EGF: variants seen among roughly 807,000 people sequenced by gnomAD.
EGF encodes pro-epidermal growth factor.
Under a neutral mutation model 143.8 loss-of-function variants are expected in EGF, and 95 were observed. That is an observed-to-expected ratio of 0.66 (90% CI 0.56 to 0.78). The LOEUF (loss-of-function observed/expected upper bound fraction) is 0.78. EGF is among the 30% of genes least tolerant of loss of function. The pLI, the probability that EGF is intolerant of heterozygous loss-of-function variation, is 0.00. For synonymous variants in EGF, 510 were observed against 510.5 expected (o/e 1.00, Z 0.01); for missense variants, 1,320 against 1,470.9 (o/e 0.90, Z 1.68).
In EGF at chr4:109,968,102, C is replaced by T. The variant is rs1168472414; in HGVS notation, c.1576-869C>T. On this transcript the variant is annotated intron_variant, in intron 10 of 23. Coordinates refer to ENST00000265171, the MANE Select transcript of EGF (RefSeq NM_001963.6). ...TATAAGAAAAGTAATTTCACTATGA[C>T]ATTTTGAATGCTACAATGTCACTAG... Among the ~76,000 whole-genome samples, 5 of 152,248 alleles carry T rather than the reference C, an allele frequency of 3.3e-5. No homozygotes were observed. The East Asian group carries it at 9.7e-4, about 29-fold the overall frequency.
intron 15 of EGF, among the ~76,000 whole-genome samples, chr4:109,982,209 A>G (rs1749476221): frequency 6.6e-6 from 1 of 151,882 alleles, no homozygotes; most frequent in Admixed American, 6.6e-5. Context: ...AGGTCATGCT[A>G]TGTTGCCTAG....
intron 19 of EGF, among the ~76,000 whole-genome samples, chr4:109,994,258 G>A (rs574955528): frequency 6.6e-6 from 1 of 152,098 alleles, no homozygotes; most frequent in Non-Finnish European, 1.5e-5. Context: ...CTCCTCTGAA[G>A]GTTAGTTTTT....
intron 20 of EGF, among the ~76,000 whole-genome samples, chr4:109,997,066 A>C (rs1167666727): frequency 6.6e-6 from 1 of 151,078 alleles, no homozygotes; most frequent in Non-Finnish European, 1.5e-5. Context: ...GCATTCGGGG[A>C]GCAGAGTTTT....
At chr4:109,992,650 A>G (rs1751142317) in intron 18 of EGF, among the ~76,000 whole-genome samples, 1 of 152,256 alleles carries the variant, frequency 6.6e-6, no homozygotes, top group South Asian at 2.1e-4. Context: ...ATGCACACGT[A>G]TGTTTATTGC....
intron 5 of EGF, among the ~76,000 whole-genome samples, chr4:109,951,528 A>T (rs1038364855): frequency 6.6e-6 from 1 of 152,236 alleles, no homozygotes; most frequent in Admixed American, 6.5e-5. Context: ...ATCTAAGTAC[A>T]TGCAGCTTCT....
At chr4:109,970,563 T>A (rs925787862) in intron 11 of EGF, among the ~76,000 whole-genome samples, 1 of 152,126 alleles carries the variant, frequency 6.6e-6, no homozygotes, top group Admixed American at 6.5e-5. Flanking sequence ...AACAGGTTTT[T>A]AAAAATCTGT....
rs139437271 is a variant in EGF, at chr4:109,934,255, G to A, written c.128-6691G>A. Among the ~76,000 whole-genome samples the A allele has an allele frequency of 8.1e-3, 1,232 of 152,190 alleles. 15 individuals are homozygous for A. The highest frequency in any genetic ancestry group is 7.0e-3 in the Non-Finnish European group (479 of 68,002). The stretch of plus-strand genomic sequence containing the variant: ...TGTATCCTGAGAGTTTGCTGAAGTT[G>A]CCTATCAGCTTAAGGAGATTTTGGG... On this transcript the variant is annotated intron_variant, in intron 1 of 23. Transcript: ENST00000265171.
intron 10 of EGF, among the ~76,000 whole-genome samples, chr4:109,967,550 AT>A (rs1560706250): frequency 6.6e-6 from 1 of 151,882 alleles, no homozygotes; most frequent in South Asian, 2.1e-4. Flanking sequence ...GAATTTTAGG[AT>A]TGTTTTTTCT....
At chr4:109,986,537 C>T (rs1750134886) in intron 16 of EGF, among the ~76,000 whole-genome samples, 1 of 152,170 alleles carries the variant, frequency 6.6e-6, no homozygotes, top group African/African-American at 2.4e-5. Flanking sequence ...TCACATGCCA[C>T]CTGAATCCTA....
At chr4:109,995,178 G>T (rs1751592721) in intron 20 of EGF, among the ~76,000 whole-genome samples, 1 of 151,930 alleles carries the variant, frequency 6.6e-6, no homozygotes, top group African/African-American at 2.4e-5. Context: ...GTCTCATCCT[G>T]GTTGAAAAAC....
chr4:109,920,862 A>C (rs1737656166), intron 1 of EGF, among the ~76,000 whole-genome samples: 1 of 151,676 alleles, frequency 6.6e-6, no homozygotes, highest in African/African-American at 2.4e-5. Flanking sequence ...CCTAGATATT[A>C]GGTGAACTAA....
At chr4:109,971,042 T>C (rs374921775) in intron 11 of EGF, among the ~76,000 whole-genome samples, 7 of 152,256 alleles carry the variant, frequency 4.6e-5, no homozygotes, top group East Asian at 3.9e-4. Flanking sequence ...CATGACACTA[T>C]TAAATCCCCA....
chr4:109,976,376 T>C (rs917486548), intron 13 of EGF, 141 bp downstream of exon 13: 14 of 786,530 alleles, frequency 1.8e-5, no homozygotes, highest in Admixed American at 4.0e-5. Flanking sequence ...CAGGGAATCA[T>C]GAGCTGCAAA....
chr4:109,966,029 C>A (rs1307619910), intron 10 of EGF, among the ~76,000 whole-genome samples: 1 of 149,294 alleles, frequency 6.7e-6, no homozygotes, highest in African/African-American at 2.5e-5. Context: ...TGACCCATAT[C>A]TTTAAAAAAA....
In EGF at chr4:109,993,418, A is replaced by T. The variant is rs368431772; in HGVS notation, c.2857+49A>T. 3 of 1,609,976 alleles carry T rather than the reference A, an allele frequency of 1.9e-6. No individual in the cohort carries two copies. The African/African-American group carries it at 4.0e-5, about 22-fold the overall frequency. ...TGAAGGGGAGGGACTTGGCTCGGGG[A>T]TATTCTATACCCTAATCTCTATTTG... On this transcript the variant is annotated intron_variant, in intron 19 of 23. Coordinates refer to ENST00000265171, the MANE Select transcript of EGF (RefSeq NM_001963.6).
chr4:109,963,323 T>C (rs1341536220), intron 9 of EGF, 25 bp downstream of exon 9: 2 of 1,613,680 alleles, frequency 1.2e-6, no homozygotes, highest in Non-Finnish European at 1.7e-6. Flanking sequence ...TGTCTGGAAC[T>C]GTGTCCCTGA....
At chr4:109,999,994 G>T (rs1269819093) in intron 21 of EGF, 148 bp downstream of exon 21, 1 of 1,213,278 alleles carries the variant, frequency 8.2e-7, no homozygotes, top group East Asian at 2.5e-5. Flanking sequence ...ACCCATGCCT[G>T]CAATCCCAGC....
intron 15 of EGF, 97 bp downstream of exon 15, chr4:109,981,072 A>T (rs1437359673): frequency 6.5e-7 from 1 of 1,541,454 alleles, no homozygotes; most frequent in Non-Finnish European, 9.0e-7. Context: ...AATATTTTGG[A>T]TGTTAAAAGT....
intron 1 of EGF, among the ~76,000 whole-genome samples, chr4:109,914,708 G>A (rs1228655960): frequency 6.6e-6 from 1 of 152,144 alleles, no homozygotes; most frequent in Non-Finnish European, 1.5e-5. Context: ...TCTCTGATCT[G>A]CTAATGACAT....
Sources: allele counts gnomAD v4.1 joint callset (sites outside exome capture counted in the v4.1 genomes callset), GRCh38; gene constraint gnomAD v4.1.1; transcripts MANE v1.5; gene names NCBI Gene and HGNC (gene_info 2026-07-23, HGNC 2026-07-21).